MDGA2: variants seen among roughly 807,000 people sequenced by gnomAD.
MDGA2 encodes MAM domain-containing glycosylphosphatidylinositol anchor protein 2.
MDGA2 carries 40 observed loss-of-function variants against 117.8 expected under a neutral mutation model. The observed-to-expected ratio is 0.34, with a 90% CI of 0.26 to 0.44. The LOEUF (loss-of-function observed/expected upper bound fraction) is 0.44, where lower values mean the gene tolerates loss of function less well. MDGA2 is among the 20% of genes least tolerant of loss of function. MDGA2 has a pLI of 1.00. For missense variants in MDGA2, 1,123 were observed against 1,250.6 expected, an observed-to-expected ratio of 0.90 and a Z score of 1.54; for synonymous variants, 452 against 439.0, an observed-to-expected ratio of 1.03 and a Z score of -0.37.
At chr14:47,113,348 G>A (rs181692160) in intron 5 of MDGA2, among the ~76,000 whole-genome samples, 16 of 151,674 alleles carry the variant, frequency 1.1e-4, no homozygotes, top group Admixed American at 8.6e-4. Flanking sequence ...GCCCACGACC[G>A]GATGGATTTA....
rs182893163 is a variant in MDGA2, at chr14:47,229,926, C to T, written c.421-11731G>A. 1.6e-4 allele frequency among the ~76,000 whole-genome samples: 25 copies of T among 152,008 alleles called. No individual in the cohort carries two copies. The East Asian group carries it at 4.3e-3, about 26-fold the overall frequency. On this transcript the variant is annotated intron_variant, in intron 2 of 16. Coordinates refer to ENST00000399232, the MANE Select transcript of MDGA2 (RefSeq NM_001113498.3). ...AGGTTTCCCTGATGTAAATTTGGCA[C>T]TTTTACACTTAATAATCAATATTGA...
chr14:47,157,092 C>CA (rs1188581406), intron 3 of MDGA2, among the ~76,000 whole-genome samples: 2 of 152,126 alleles, frequency 1.3e-5, no homozygotes, highest in African/African-American at 4.8e-5. Flanking sequence ...CTGCAGATAT[C>CA]AATTCAAAAG....
At chr14:47,067,126 A>G (rs984792289) in intron 6 of MDGA2, among the ~76,000 whole-genome samples, 1 of 152,190 alleles carries the variant, frequency 6.6e-6, no homozygotes, top group Non-Finnish European at 1.5e-5. Context: ...AAACAAAGAA[A>G]CAAACAACCA....
At chr14:47,658,318 C>T (rs956116706) in intron 1 of MDGA2, among the ~76,000 whole-genome samples, 2 of 152,112 alleles carry the variant, frequency 1.3e-5, no homozygotes, top group Non-Finnish European at 2.9e-5. Flanking sequence ...TGGTAGGAAA[C>T]CGATAAATCC....
intron 9 of MDGA2, among the ~76,000 whole-genome samples, chr14:46,936,285 GAT>G (rs1432939511): frequency 6.6e-6 from 1 of 151,938 alleles, no homozygotes; most frequent in Non-Finnish European, 1.5e-5. Context: ...TCAGAGAACA[GAT>G]ATACACCTTT....
chr14:47,090,760 G>A (rs1242503196), intron 6 of MDGA2, among the ~76,000 whole-genome samples: 1 of 152,112 alleles, frequency 6.6e-6, no homozygotes, highest in Non-Finnish European at 1.5e-5. Context: ...TAGAAGTCTG[G>A]CTACCTTGAA....
At chr14:47,242,238 T>C (rs996694719) in intron 2 of MDGA2, among the ~76,000 whole-genome samples, 2 of 151,952 alleles carry the variant, frequency 1.3e-5, no homozygotes, top group African/African-American at 2.4e-5. Context: ...TTGCCTTGCA[T>C]AGAGGATATT....
chr14:47,235,367 A>T (rs1377973758), intron 2 of MDGA2, among the ~76,000 whole-genome samples: 1 of 152,090 alleles, frequency 6.6e-6, no homozygotes, highest in Non-Finnish European at 1.5e-5. Context: ...TTGAAGGAGG[A>T]GGTTTTATTG....
At chr14:46,990,779 C>A (rs534220176) in intron 8 of MDGA2, among the ~76,000 whole-genome samples, 2 of 151,562 alleles carry the variant, frequency 1.3e-5, no homozygotes, top group South Asian at 4.2e-4. Flanking sequence ...TAGCAATGTG[C>A]TTACTAATCT....
chr14:47,286,638 A>G (rs557183117), intron 2 of MDGA2, among the ~76,000 whole-genome samples: 1 of 151,796 alleles, frequency 6.6e-6, no homozygotes, highest in Non-Finnish European at 1.5e-5. Context: ...CATCCACCGG[A>G]GGACATTTCG....
chr14:47,067,531 TGAAG>T (rs1890129748), intron 6 of MDGA2, among the ~76,000 whole-genome samples: 2 of 152,214 alleles, frequency 1.3e-5, no homozygotes, highest in Admixed American at 1.3e-4. Flanking sequence ...AATGGTACAT[TGAAG>T]TTATAAAAAT....
intron 1 of MDGA2, among the ~76,000 whole-genome samples, chr14:47,493,569 C>T (rs992931681): frequency 4.6e-5 from 7 of 152,002 alleles, no homozygotes; most frequent in African/African-American, 1.2e-4. Context: ...CCACCCACCT[C>T]GGCCTCCCAA....
chr14:46,932,482 T>C (rs2138552993), intron 9 of MDGA2, among the ~76,000 whole-genome samples: 1 of 152,244 alleles, frequency 6.6e-6, no homozygotes, highest in African/African-American at 2.4e-5. Flanking sequence ...AATTTAAAAA[T>C]CATTTTTCTT....
intron 1 of MDGA2, among the ~76,000 whole-genome samples, chr14:47,371,421 G>T (rs572831601): frequency 6.6e-6 from 1 of 151,792 alleles, no homozygotes; most frequent in South Asian, 2.1e-4. Flanking sequence ...CTCCAGTCAT[G>T]AACTATATTC....
intron 1 of MDGA2, among the ~76,000 whole-genome samples, chr14:47,439,715 G>A (rs1892964537): frequency 6.6e-6 from 1 of 151,800 alleles, no homozygotes; most frequent in African/African-American, 2.4e-5. Context: ...GTGTGTCTAT[G>A]TCTGTATGTA....
intron 8 of MDGA2, among the ~76,000 whole-genome samples, chr14:47,005,854 T>C (rs1404791929): frequency 2.0e-5 from 3 of 151,698 alleles, no homozygotes; most frequent in Non-Finnish European, 4.4e-5. Context: ...TTGTATGTTT[T>C]ATAAGCCACG....
chr14:47,585,664 C>A (rs1299737639), intron 1 of MDGA2, among the ~76,000 whole-genome samples: 1 of 151,380 alleles, frequency 6.6e-6, no homozygotes, highest in Non-Finnish European at 1.5e-5. Context: ...TATAAGGCAT[C>A]TAATAGGCTG....
intron 1 of MDGA2, among the ~76,000 whole-genome samples, chr14:47,341,730 CTG>C (rs139271172): frequency 0.018 from 2,713 of 152,210 alleles, 66 homozygotes; most frequent in East Asian, 0.14. Flanking sequence ...GTGCAGTTAT[CTG>C]TGTTATTTTG....
chr14:46,966,402 T>G (rs1886032481), intron 8 of MDGA2, among the ~76,000 whole-genome samples: 1 of 152,210 alleles, frequency 6.6e-6, no homozygotes, highest in Non-Finnish European at 1.5e-5. Context: ...CCTTACTGGT[T>G]ATTTAAAGTT....
Sources: gnomAD v4.1 joint callset for allele counts (sites outside exome capture counted in the v4.1 genomes callset) on GRCh38, gnomAD v4.1.1 for gene constraint, MANE v1.5 for transcripts, NCBI Gene and HGNC (gene_info 2026-07-23, HGNC 2026-07-21) for gene names.